IARS1: variants seen among roughly 807,000 people sequenced by gnomAD.
The protein encoded by IARS1 is isoleucyl-tRNA synthetase 1, also known as isoleucine--tRNA ligase, cytoplasmic.
IARS1 carries 124 observed loss-of-function variants against 168.2 expected under a neutral mutation model. That is an observed-to-expected ratio of 0.74 (90% CI 0.64 to 0.86). The LOEUF (loss-of-function observed/expected upper bound fraction) is 0.86, where lower values mean the gene tolerates loss of function less well. Ranked by LOEUF, IARS1 falls within the 40% of genes least tolerant of loss-of-function variation. IARS1 has a pLI of 0.00. For synonymous variants in IARS1, 532 were observed against 529.4 expected (o/e 1.00, Z -0.07); for missense variants, 1,452 against 1,515.8 (o/e 0.96, Z 0.70).
chr9:92,258,633 T>C (rs1831070086), intron 19 of IARS1, among the ~76,000 whole-genome samples: 1 of 152,120 alleles, frequency 6.6e-6, no homozygotes, highest in East Asian at 1.9e-4. Context: ...CTATATGACA[T>C]AACTCTTTTG....
intron 19 of IARS1, 92 bp downstream of exon 19, chr9:92,258,762 T>C (rs1831095123): frequency 7.5e-7 from 1 of 1,333,956 alleles, no homozygotes; most frequent in Non-Finnish European, 1.0e-6. Context: ...ACAGCAGCCC[T>C]AAAGTCTCAC....
intron 31 of IARS1, among the ~76,000 whole-genome samples, chr9:92,224,394 A>G (rs769005521): frequency 1.2e-4 from 18 of 152,196 alleles, no homozygotes; most frequent in African/African-American, 3.9e-4. Flanking sequence ...GAGTAGATCT[A>G]CACTGATTCA....
intron 30 of IARS1, among the ~76,000 whole-genome samples, chr9:92,233,973 C>T (rs1278059070): frequency 6.6e-6 from 1 of 152,144 alleles, no homozygotes; most frequent in Non-Finnish European, 1.5e-5. Context: ...GTTGCCGAGG[C>T]TGGTCTCGAA....
At chr9:92,248,652 CAAA>C (rs886459066) in intron 25 of IARS1, among the ~76,000 whole-genome samples, 2 of 46,742 alleles carry the variant, frequency 4.3e-5, no homozygotes, top group Admixed American at 2.5e-4. Context: ...GACCCTGTCA[CAAA>C]AAAAAAAAAA....
At chr9:92,276,648 C>A (rs575613753) in intron 9 of IARS1, among the ~76,000 whole-genome samples, 1 of 152,184 alleles carries the variant, frequency 6.6e-6, no homozygotes, top group Non-Finnish European at 1.5e-5. Flanking sequence ...TCTCCCCACA[C>A]GGAACAGAAA....
chr9:92,245,784 T>G (rs1200567539), intron 26 of IARS1, among the ~76,000 whole-genome samples: 8 of 151,924 alleles, frequency 5.3e-5, no homozygotes, highest in Non-Finnish European at 1.2e-4. Context: ...TTTTTTTTTT[T>G]GAGACAGAGT....
chr9:92,285,769 C>A lies in IARS1; in HGVS notation c.550G>T (p.Ala184Ser). ...RGVKVMPFST[A>S]CNTPLSNFES... ...AAGTTGGAAAGTGGAGTGTTACATG[C>A]CGTAGAGAAGGGCATGACTTTCACA... The change falls in exon 6 of 34, where the codon GCA (alanine) becomes TCA (serine). Residue 184 changes from alanine (A) to serine (S), a missense_variant. Physicochemically the swap from Ala to Ser is moderately conservative, Grantham distance 99. Coordinates refer to ENST00000443024, the MANE Select transcript of IARS1 (RefSeq NM_002161.6). 2 of 1,613,498 alleles carry A rather than the reference C, an allele frequency of 1.2e-6. No individual in the cohort carries two copies. Among genetic ancestry groups the A allele is most frequent in the Non-Finnish European group, 1.7e-6 (2 of 1,179,446 alleles).
intron 31 of IARS1, 90 bp downstream of exon 31, chr9:92,228,911 A>G (rs1163271695): frequency 6.7e-6 from 10 of 1,490,650 alleles, no homozygotes; most frequent in African/African-American, 1.4e-5. Flanking sequence ...GAAAAATGCA[A>G]AAGTTGTATA....
At chr9:92,214,261 AAAG>A (rs1838246300) in intron 33 of IARS1, among the ~76,000 whole-genome samples, 1 of 151,884 alleles carries the variant, frequency 6.6e-6, no homozygotes, top group Admixed American at 6.6e-5. Flanking sequence ...ACGGAAACTC[AAAG>A]AATAGAATGG....
chr9:92,261,410 C>A (rs1003527408), intron 17 of IARS1, among the ~76,000 whole-genome samples: 1 of 151,960 alleles, frequency 6.6e-6, no homozygotes, highest in African/African-American at 2.4e-5. Flanking sequence ...GGAGAAAAAA[C>A]CAGTGGTTGC....
At chr9:92,274,765 A>C (rs974942872) in intron 9 of IARS1, among the ~76,000 whole-genome samples, 5 of 152,208 alleles carry the variant, frequency 3.3e-5, no homozygotes, top group African/African-American at 1.2e-4. Flanking sequence ...AAAAATTTCT[A>C]ATTTCCTTGG....
rs778748631 is a variant in IARS1 at position 92,267,255 on chromosome 9, C to T, written c.1431+919G>A. On this transcript the variant is annotated intron_variant, in intron 14 of 33. Transcript: ENST00000443024. ...CGTTCTCACCCAGGGAGCTTCTGAT[C>T]CTAGTGAACACTGGTGGCCTCTTTC... 3.7e-4 allele frequency among the ~76,000 whole-genome samples: 56 copies of T among 152,276 alleles called. 1 individual carries two copies. The highest frequency in any genetic ancestry group is 1.9e-3 in the Admixed American group (29 of 15,302).
intron 19 of IARS1, among the ~76,000 whole-genome samples, chr9:92,257,446 C>T (rs147186785): frequency 6.6e-6 from 1 of 152,150 alleles, no homozygotes; most frequent in African/African-American, 2.4e-5. Flanking sequence ...GAGCTTTGAC[C>T]CCGCCTGTAT....
intron 32 of IARS1, 63 bp from the exon 33 acceptor site, chr9:92,222,735 TG>T: frequency 1.3e-6 from 2 of 1,574,376 alleles, no homozygotes; most frequent in Non-Finnish European, 1.7e-6. Context: ...CCAAAAGAGG[TG>T]GCCACTGCGG....
chr9:92,262,949 C>T lies in IARS1; in HGVS notation c.1787+20G>A, dbSNP rs1210301483. On this transcript the variant is annotated intron_variant, in intron 17 of 33. Transcript: ENST00000443024. Reference sequence around the variant, plus strand: ...AGTGGAGACAAAGTTCCACCCGTCACTACAACAAAGTTGACCTACCTTGCC... The same window carrying T: ...AGTGGAGACAAAGTTCCACCCGTCATTACAACAAAGTTGACCTACCTTGCC... 1.3e-6 allele frequency: 2 copies of T among 1,591,098 alleles called. No individual in the cohort carries two copies. Among genetic ancestry groups the T allele is most frequent in the South Asian group, 2.2e-5 (2 of 90,580 alleles).
chr9:92,242,031 A>G, intron 29 of IARS1, 123 bp downstream of exon 29: 1 of 744,478 alleles, frequency 1.3e-6, no homozygotes. Flanking sequence ...TGTCCAGAGC[A>G]ATACTTCAAG....
intron 31 of IARS1, among the ~76,000 whole-genome samples, chr9:92,228,475 G>T (rs1826110826): frequency 6.6e-6 from 1 of 152,276 alleles, no homozygotes; most frequent in African/African-American, 2.4e-5. Flanking sequence ...ACTTTGGGAG[G>T]CCAAGGCAGG....
At chr9:92,259,345 G>A (rs1831194018) in intron 18 of IARS1, among the ~76,000 whole-genome samples, 2 of 152,106 alleles carry the variant, frequency 1.3e-5, no homozygotes, top group Non-Finnish European at 2.9e-5. Context: ...TCCTTCCCAC[G>A]GACACGACCT....
intron 33 of IARS1, among the ~76,000 whole-genome samples, chr9:92,215,780 C>A (rs915145187): frequency 6.6e-6 from 1 of 151,636 alleles, no homozygotes; most frequent in African/African-American, 2.4e-5. Flanking sequence ...TGTGAAAAGA[C>A]CAAATCTACG....
Sources: allele counts gnomAD v4.1 joint callset (sites outside exome capture counted in the v4.1 genomes callset), GRCh38; gene constraint gnomAD v4.1.1; transcripts MANE v1.5; gene names NCBI Gene and HGNC (gene_info 2026-07-23, HGNC 2026-07-21).